Variants in MMUT observed in about 807,000 individuals in gnomAD.
MMUT encodes methylmalonyl-CoA mutase, mitochondrial.
MMUT carries 79 observed loss-of-function variants against 79.9 expected under a neutral mutation model. The observed-to-expected ratio is 0.99, with a 90% CI of 0.82 to 1.19. The LOEUF (loss-of-function observed/expected upper bound fraction) is 1.19. Among genes scored for constraint, MMUT ranks in the 50% most tolerant of loss-of-function variants. The probability of loss-of-function intolerance (pLI) is 0.00; values close to 1 mark genes in which losing one functional copy is unlikely to be tolerated. For missense variants in MMUT, 860 were observed against 917.2 expected (o/e 0.94, Z 0.81); for synonymous variants, 273 against 295.7 (o/e 0.92, Z 0.79).
At chr6:49,461,172 A>G (rs1767830737) in intron 1 of MMUT, among the ~76,000 whole-genome samples, 1 of 152,232 alleles carries the variant, frequency 6.6e-6, no homozygotes, top group Non-Finnish European at 1.5e-5. Context: ...AAGAATGGTT[A>G]CTTAATGGTT....
intron 12 of MMUT, among the ~76,000 whole-genome samples, chr6:49,432,609 A>C (rs949770278): frequency 6.6e-6 from 1 of 152,040 alleles, no homozygotes; most frequent in African/African-American, 2.4e-5. Flanking sequence ...GGATGGTCTC[A>C]ATCTCCTGAC....
intron 9 of MMUT, 90 bp from the exon 10 acceptor site, chr6:49,442,061 A>G (rs1313286264): frequency 1.5e-6 from 2 of 1,335,594 alleles, no homozygotes; most frequent in Admixed American, 3.6e-5. Flanking sequence ...TAAACATTTT[A>G]TTACATAAGT....
chr6:49,448,610 C>T (rs1561955165), intron 7 of MMUT, among the ~76,000 whole-genome samples: 1 of 152,030 alleles, frequency 6.6e-6, no homozygotes, highest in Non-Finnish European at 1.5e-5. Flanking sequence ...GTTAGACATC[C>T]ACACACACTT....
At chr6:49,439,959 G>T (rs1767228200) in intron 11 of MMUT, among the ~76,000 whole-genome samples, 1 of 152,212 alleles carries the variant, frequency 6.6e-6, no homozygotes, top group Non-Finnish European at 1.5e-5. Flanking sequence ...GACAAAGCCA[G>T]AGAGTTAATA....
At chr6:49,445,804 T>C (rs939754641) in intron 8 of MMUT, among the ~76,000 whole-genome samples, 1 of 152,066 alleles carries the variant, frequency 6.6e-6, no homozygotes, top group Non-Finnish European at 1.5e-5. Flanking sequence ...CCCACAGATA[T>C]GGAGGTCCAA....
intron 5 of MMUT, among the ~76,000 whole-genome samples, chr6:49,452,359 G>A (rs1315104689): frequency 6.6e-6 from 1 of 152,028 alleles, no homozygotes; most frequent in African/African-American, 2.4e-5. Context: ...TTGAGACGGA[G>A]TCTCGCTCTG....
chr6:49,447,847 TATG>T (rs1436881074), intron 7 of MMUT, 62 bp from the exon 8 acceptor site: 1 of 910,360 alleles, frequency 1.1e-6, no homozygotes, highest in African/African-American at 1.7e-5. Flanking sequence ...ATGCTCTGGT[TATG>T]ATGTATTTTC....
At chr6:49,441,727 A>T (rs182241822) in intron 10 of MMUT, 113 bp downstream of exon 10, 2 of 817,238 alleles carry the variant, frequency 2.4e-6, no homozygotes, top group East Asian at 8.3e-5. Context: ...TTATTATTAT[A>T]AAATTCAAAA....
chr6:49,433,729 T>C (rs976813136), intron 12 of MMUT, among the ~76,000 whole-genome samples: 1 of 152,210 alleles, frequency 6.6e-6, no homozygotes, highest in Non-Finnish European at 1.5e-5. Flanking sequence ...AAGCTGTATC[T>C]GTTTGATTAG....
chr6:49,454,509 T>C (rs1205363687), intron 4 of MMUT, among the ~76,000 whole-genome samples: 1 of 152,196 alleles, frequency 6.6e-6, no homozygotes, highest in Non-Finnish European at 1.5e-5. Flanking sequence ...GGTTTCGCCA[T>C]GTTGGCCAGA....
chr6:49,446,895 C>A (rs985214949), intron 8 of MMUT, among the ~76,000 whole-genome samples: 1 of 151,288 alleles, frequency 6.6e-6, no homozygotes, highest in Non-Finnish European at 1.5e-5. Context: ...ATACATTAAA[C>A]AATCTCAGGA....
At chr6:49,434,386 C>G (rs1201371581) in intron 12 of MMUT, among the ~76,000 whole-genome samples, 1 of 152,016 alleles carries the variant, frequency 6.6e-6, no homozygotes, top group Non-Finnish European at 1.5e-5. Flanking sequence ...TATGAATTTT[C>G]TCCTTTCACA....
chr6:49,455,656 A>T (rs1424382219), intron 4 of MMUT, among the ~76,000 whole-genome samples: 1 of 152,240 alleles, frequency 6.6e-6, no homozygotes, highest in East Asian at 1.9e-4. Flanking sequence ...ATACAACATT[A>T]TTAAGAAACT....
chr6:49,440,353 C>A lies in MMUT; in HGVS notation c.1809G>T (p.Arg603Ser), dbSNP rs756743196. 6.2e-6 allele frequency: 10 copies of A among 1,613,380 alleles called. No homozygotes were observed. The highest frequency in any genetic ancestry group is 1.1e-5 in the South Asian group (1 of 91,046). The change falls in exon 11 of 13, where the codon AGG becomes AGT. Residue 603 changes from arginine (R) to serine (S), a missense_variant and splice_region_variant. Transcript: ENST00000274813. Reference sequence around the variant, plus strand: ...CTTCACGTTCCATGAATTTATGAACCCTGAAAAACATTTAAAAATATATCA... The same window carrying A: ...CTTCACGTTCCATGAATTTATGAACACTGAAAAACATTTAAAAATATATCA... ...ESKEITSAIK[R>S]VHKFMEREGR...
intron 5 of MMUT, 48 bp downstream of exon 5, chr6:49,453,534 ATAT>A (rs1767610041): frequency 2.5e-5 from 24 of 979,136 alleles, no homozygotes; most frequent in Non-Finnish European, 3.4e-5. Flanking sequence ...CTCAGAAAAA[ATAT>A]ATATATATAA....
rs1420823316 is a variant in MMUT, at chr6:49,456,228, TTGGC to T, written c.759_762del (p.Met253IlefsTer28). On this transcript the variant is annotated frameshift_variant, in exon 4 of 13. Transcript: ENST00000274813. LOFTEE classifies it high-confidence loss of function. Reference sequence around the variant, plus strand: ...CCACTAATTGAAATTGAATTAAATTTTGGCATGTGCTACATAAAAAAAAAAATTG... The same window carrying T: ...CCACTAATTGAAATTGAATTAAATTTATGTGCTACATAAAAAAAAAAATTG... 6.2e-7 allele frequency: 1 copy of T among 1,610,288 alleles called. No homozygotes were observed. Among genetic ancestry groups the T allele is most frequent in the South Asian group, 1.1e-5 (1 of 90,980 alleles).
chr6:49,431,787 C>CCA lies in MMUT; in HGVS notation c.2193_2194insTG (p.Ala732TrpfsTer27), dbSNP rs747331003. 2 of 1,614,040 alleles carry CCA rather than the reference C, an allele frequency of 1.2e-6. No individual in the cohort carries two copies. The highest frequency in any genetic ancestry group is 8.5e-7 in the Non-Finnish European group (1 of 1,179,936). On this transcript the variant is annotated frameshift_variant, in exon 13 of 13. Transcript: ENST00000274813. LOFTEE classifies it high-confidence loss of function. ...TCAATATCATCAAGCACCTGAACGG[C>CCA]AGCCTTTGGAATTCGAGTCCCAGGA...
chr6:49,451,981 A>G (rs1456998257), intron 5 of MMUT, among the ~76,000 whole-genome samples: 1 of 152,088 alleles, frequency 6.6e-6, no homozygotes, highest in Non-Finnish European at 1.5e-5. Context: ...CTTTTCTATA[A>G]GTATATCAAC....
intron 8 of MMUT, among the ~76,000 whole-genome samples, chr6:49,446,279 C>A (rs911145553): frequency 1.3e-5 from 2 of 151,650 alleles, no homozygotes; most frequent in African/African-American, 2.4e-5. Flanking sequence ...AAAAGGAAAG[C>A]GTAAGAAAAT....
Sources: allele counts gnomAD v4.1 joint callset (sites outside exome capture counted in the v4.1 genomes callset), GRCh38; gene constraint gnomAD v4.1.1; transcripts MANE v1.5; gene names NCBI Gene and HGNC (gene_info 2026-07-23, HGNC 2026-07-21).